Variants in CHRNA5 observed in about 807,000 individuals in gnomAD.
CHRNA5 encodes the protein neuronal acetylcholine receptor subunit alpha-5.
CHRNA5 carries 28 observed loss-of-function variants against 41.2 expected under a neutral mutation model. That is an observed-to-expected ratio of 0.68 (90% CI 0.50 to 0.93). CHRNA5 has a LOEUF of 0.93. Among genes scored for constraint, CHRNA5 ranks in the 40% least tolerant of loss-of-function variants. The pLI is 0.00. For missense variants in CHRNA5, 481 were observed against 581.9 expected, an observed-to-expected ratio of 0.83 and a Z score of 1.78; for synonymous variants, 188 against 205.8, an observed-to-expected ratio of 0.91 and a Z score of 0.74.
At chr15:78,565,600 G>C (rs200696239) in exon 1 of CHRNA5, 14 of 240,232 alleles carry the variant, frequency 5.8e-5, no homozygotes, top group Admixed American at 1.1e-4. Context: ...CGGCCCCTCT[G>C]CTGCGTCTGC....
chr15:78,591,170 A>C (rs2141423279), intron 5 of CHRNA5: 1 of 153,140 alleles, frequency 6.5e-6, no homozygotes, highest in Non-Finnish European at 1.5e-5. Flanking sequence ...CAGGAGTTTG[A>C]GATCAGCCTG....
At chr15:78,574,178 C>G (rs1275967022) in intron 1 of CHRNA5, among the ~76,000 whole-genome samples, 3 of 150,710 alleles carry the variant, frequency 2.0e-5, no homozygotes, top group East Asian at 4.0e-4. Context: ...GTCGGGAGTT[C>G]AAAACCAGCC....
intron 1 of CHRNA5, among the ~76,000 whole-genome samples, chr15:78,575,918 G>A (rs893057455): frequency 6.6e-6 from 1 of 152,162 alleles, no homozygotes; most frequent in Admixed American, 6.5e-5. Context: ...CTTTTCATAT[G>A]CTTACTGGCC....
chr15:78,588,493 AATTTTTCTCCCTTTT>A lies in CHRNA5; in HGVS notation c.413+71_413+85del. 1.4e-6 allele frequency: 1 copy of A among 710,550 alleles called. No homozygotes were observed. Among genetic ancestry groups the A allele is most frequent in the Non-Finnish European group, 2.1e-6 (1 of 466,104 alleles). The allele number at this position is 710,550 out of a possible 1,614,324, so 44.0% of individuals were successfully genotyped here. ...ATTTGTATTTCTATTAGGCACTAAT[AATTTTTCTCCCTTTT>A]GAAATTGTTTAGGTATAAAAATCAA... On this transcript the variant is annotated intron_variant, in intron 4 of 5. Coordinates refer to ENST00000299565, the Ensembl canonical transcript of CHRNA5. The surrounding 1 kb of genome is among the most constrained non-coding windows in gnomAD (Gnocchi z 4.1).
intron 1 of CHRNA5, among the ~76,000 whole-genome samples, chr15:78,570,945 G>C (rs912692834): frequency 6.6e-6 from 1 of 152,208 alleles, no homozygotes; most frequent in African/African-American, 2.4e-5. Flanking sequence ...GACATTGTCA[G>C]ATGTGCCCTG....
At chr15:78,576,440 C>G (rs1465791610) in intron 1 of CHRNA5, among the ~76,000 whole-genome samples, 1 of 152,158 alleles carries the variant, frequency 6.6e-6, no homozygotes, top group African/African-American at 2.4e-5. Flanking sequence ...GCCACCGCGC[C>G]TGGCCCAAGT....
intron 1 of CHRNA5, among the ~76,000 whole-genome samples, chr15:78,580,125 C>T (rs1217869337): frequency 6.6e-6 from 1 of 151,298 alleles, no homozygotes; most frequent in East Asian, 1.9e-4. Context: ...ACTAAAAATA[C>T]AAAAATTAGC....
intron 2 of CHRNA5, 102 bp from the exon 3 acceptor site, chr15:78,586,543 A>G (rs558347927): frequency 1.3e-5 from 9 of 681,890 alleles, no homozygotes; most frequent in South Asian, 2.1e-5. Flanking sequence ...TGTGGGTACT[A>G]TGTGAAGAAG....
chr15:78,585,759 T>TTTTTTTC (rs1390830949), intron 2 of CHRNA5, among the ~76,000 whole-genome samples: 4 of 20,320 alleles, frequency 2.0e-4, no homozygotes, highest in South Asian at 1.8e-3. Context: ...GCTGCCAATA[T>TTTTTTTC]TTTTTCTTTT....
intron 1 of CHRNA5, among the ~76,000 whole-genome samples, chr15:78,574,608 A>G (rs554282803): frequency 6.6e-6 from 1 of 152,300 alleles, no homozygotes; most frequent in Non-Finnish European, 1.5e-5. Flanking sequence ...GTCCAAAGTA[A>G]TGAATCAAAA....
chr15:78,585,727 C>G (rs568430224), intron 2 of CHRNA5, among the ~76,000 whole-genome samples: 2 of 151,342 alleles, frequency 1.3e-5, no homozygotes, highest in African/African-American at 4.9e-5. Flanking sequence ...GCACGAAAAG[C>G]TTTATGAAAT....
chr15:78,585,791 C>CTTTTTTTTTTTTTTT (rs752254237), intron 2 of CHRNA5, among the ~76,000 whole-genome samples: 2 of 130,612 alleles, frequency 1.5e-5, no homozygotes, highest in African/African-American at 2.9e-5. Flanking sequence ...TCTTTTCTTT[C>CTTTTTTTTTTTTTTT]TTTTTTTTTT....
chr15:78,585,266 A>G (rs1329830604), intron 2 of CHRNA5, among the ~76,000 whole-genome samples: 1 of 152,106 alleles, frequency 6.6e-6, no homozygotes, highest in African/African-American at 2.4e-5. Context: ...GCAGTGTAAG[A>G]GAGATGGCCG....
chr15:78,582,852 G>A (rs28559305), intron 2 of CHRNA5, among the ~76,000 whole-genome samples: 54 of 152,302 alleles, frequency 3.5e-4, no homozygotes, highest in South Asian at 1.7e-3. Flanking sequence ...CTGACTGGAC[G>A]GTGGAGAAGG....
chr15:78,583,596 G>C (rs1451652267), intron 2 of CHRNA5, among the ~76,000 whole-genome samples: 3 of 152,008 alleles, frequency 2.0e-5, no homozygotes, highest in Admixed American at 1.3e-4. Flanking sequence ...TCGGGAGGCC[G>C]AGGCAGGAGA....
At chr15:78,565,594 C>G (rs1014256261) in exon 1 of CHRNA5, 1 of 234,658 alleles carries the variant, frequency 4.3e-6, no homozygotes, top group Non-Finnish European at 7.9e-6. Context: ...GCGGAGCGGC[C>G]CCTCTGCTGC....
At chr15:78,571,981 G>A (rs963051337) in intron 1 of CHRNA5, among the ~76,000 whole-genome samples, 1 of 151,898 alleles carries the variant, frequency 6.6e-6, no homozygotes. Flanking sequence ...CTGCAAAGAG[G>A]ATTTTTTTTT....
intron 1 of CHRNA5, among the ~76,000 whole-genome samples, chr15:78,573,332 G>A (rs1359642556): frequency 6.6e-6 from 1 of 152,246 alleles, no homozygotes; most frequent in Non-Finnish European, 1.5e-5. Context: ...GATGCACTGT[G>A]CAGTGGCAGG....
At chr15:78,592,992 G>T in intron 5 of CHRNA5, 100 bp from the exon 6 acceptor site, 1 of 1,418,812 alleles carries the variant, frequency 7.0e-7, no homozygotes, top group Non-Finnish European at 9.5e-7. Flanking sequence ...GCAATGGGAG[G>T]CAGAAATCGA....
Sources: gnomAD v4.1 joint callset for allele counts (sites outside exome capture counted in the v4.1 genomes callset) on GRCh38, gnomAD v4.1.1 for gene constraint, Gnocchi (gnomAD v3.1) non-coding constraint, MANE v1.5 for transcripts, NCBI Gene and HGNC (gene_info 2026-07-23, HGNC 2026-07-21) for gene names.